Variants in ENTREP2 observed in about 807,000 individuals in gnomAD.
ENTREP2 encodes protein ENTREP2.
chr15:29,304,524 T>C, the ENTREP2 span, among the ~76,000 whole-genome samples: 2 of 152,184 alleles, frequency 1.3e-5, no homozygotes, highest in Non-Finnish European at 2.9e-5. Flanking sequence ...CAAACAACCA[T>C]GACACTGTTA....
At chr15:29,221,070 G>A in the ENTREP2 span, among the ~76,000 whole-genome samples, 4 of 152,110 alleles carry the variant, frequency 2.6e-5, no homozygotes, top group African/African-American at 7.2e-5. Flanking sequence ...TGGAACTCCT[G>A]CCAAGAAGGA....
chr15:29,401,449 A>G, the ENTREP2 span, among the ~76,000 whole-genome samples: 6 of 152,204 alleles, frequency 3.9e-5, no homozygotes, highest in South Asian at 4.1e-4. Flanking sequence ...AAACAATAAG[A>G]TAAGTATTTT....
chr15:29,294,771 T>C, the ENTREP2 span, among the ~76,000 whole-genome samples: 4 of 152,240 alleles, frequency 2.6e-5, no homozygotes, highest in Non-Finnish European at 5.9e-5. Context: ...CACAAGGAGA[T>C]TGAATGTGTC....
chr15:29,302,085 C>A, the ENTREP2 span, among the ~76,000 whole-genome samples: 1 of 152,114 alleles, frequency 6.6e-6, no homozygotes, highest in Non-Finnish European at 1.5e-5. Flanking sequence ...GCCCATTTCC[C>A]TGTTTTTTTC....
chr15:29,582,209 T>C, the ENTREP2 span, among the ~76,000 whole-genome samples: 2 of 152,222 alleles, frequency 1.3e-5, no homozygotes, highest in African/African-American at 2.4e-5. Flanking sequence ...AGGAAGAAAA[T>C]AACTGTTTCA....
the ENTREP2 span, chr15:29,375,638 C>G: frequency 2.0e-5 from 3 of 152,194 alleles, no homozygotes; most frequent in Admixed American, 6.5e-5. Flanking sequence ...GCGAGAGGAA[C>G]CTCAGCATCC....
At chr15:29,317,779 C>T in the ENTREP2 span, among the ~76,000 whole-genome samples, 1 of 152,126 alleles carries the variant, frequency 6.6e-6, no homozygotes, top group African/African-American at 2.4e-5. Flanking sequence ...GAGGCAAAAA[C>T]TGTCACAGCA....
chr15:29,603,696 T>C, the ENTREP2 span, among the ~76,000 whole-genome samples: 1 of 152,178 alleles, frequency 6.6e-6, no homozygotes, highest in African/African-American at 2.4e-5. Flanking sequence ...CAGAGTGCAA[T>C]GGCATGATCT....
chr15:29,168,106 T>G, the ENTREP2 span, among the ~76,000 whole-genome samples: 2 of 152,166 alleles, frequency 1.3e-5, no homozygotes, highest in Non-Finnish European at 2.9e-5. Flanking sequence ...CTCATTGATA[T>G]GTGGGAGCTA....
At chr15:29,595,067 CAAAAAAAAAAAAAA>C in the ENTREP2 span, among the ~76,000 whole-genome samples, 5 of 86,614 alleles carry the variant, frequency 5.8e-5, no homozygotes, top group Admixed American at 2.8e-4. Flanking sequence ...GACTCCGTCT[CAAAAAAAAAAAAAA>C]AAAAAAAAAA....
the ENTREP2 span, among the ~76,000 whole-genome samples, chr15:29,630,633 C>T: frequency 1.3e-5 from 2 of 152,068 alleles, no homozygotes; most frequent in Non-Finnish European, 2.9e-5. Flanking sequence ...TGTCATTGTC[C>T]TGCAGGTTAT....
At chr15:29,322,824 C>G in the ENTREP2 span, among the ~76,000 whole-genome samples, 1 of 152,186 alleles carries the variant, frequency 6.6e-6, no homozygotes. Context: ...ACCTCAAAAT[C>G]CTCTTGGGAA....
the ENTREP2 span, among the ~76,000 whole-genome samples, chr15:29,156,351 A>AT: frequency 2.7e-5 from 4 of 150,576 alleles, no homozygotes; most frequent in African/African-American, 4.9e-5. Flanking sequence ...TGGCTGGCTA[A>AT]TTTTTTTTGT....
At chr15:29,388,482 G>A in the ENTREP2 span, among the ~76,000 whole-genome samples, 1 of 152,186 alleles carries the variant, frequency 6.6e-6, no homozygotes, top group East Asian at 1.9e-4. Context: ...TGCCGGAGAG[G>A]ACGTAGAGAA....
At chr15:29,385,730 G>C in the ENTREP2 span, among the ~76,000 whole-genome samples, 3 of 152,130 alleles carry the variant, frequency 2.0e-5, no homozygotes, top group African/African-American at 7.2e-5. Flanking sequence ...GGTGCCTGGC[G>C]AGGGCTCCAC....
the ENTREP2 span, among the ~76,000 whole-genome samples, chr15:29,491,311 T>C: frequency 6.6e-6 from 1 of 151,956 alleles, no homozygotes; most frequent in African/African-American, 2.4e-5. Flanking sequence ...CAGCCCAGAG[T>C]GGGGCTCCTA....
At chr15:29,159,316 G>C in the ENTREP2 span, among the ~76,000 whole-genome samples, 1 of 152,176 alleles carries the variant, frequency 6.6e-6, no homozygotes, top group African/African-American at 2.4e-5. Context: ...CTGGCTCCAG[G>C]AGTGAAGCTG....
chr15:29,262,129 A>G, the ENTREP2 span, among the ~76,000 whole-genome samples: 1 of 151,912 alleles, frequency 6.6e-6, no homozygotes, highest in East Asian at 1.9e-4. Flanking sequence ...GGGAGTACAA[A>G]AAGAAAGAGA....
chr15:29,160,347 G>A, the ENTREP2 span, among the ~76,000 whole-genome samples: 2 of 152,170 alleles, frequency 1.3e-5, no homozygotes, highest in Admixed American at 6.5e-5. Context: ...GGGCTGAAGG[G>A]CTCCTCAAGT....
Sources: allele counts gnomAD v4.1 joint callset (sites outside exome capture counted in the v4.1 genomes callset), GRCh38; gene constraint gnomAD v4.1.1; transcripts MANE v1.5; gene names NCBI Gene and HGNC (gene_info 2026-07-23, HGNC 2026-07-21).